Variants in ATP9B observed in about 807,000 individuals in gnomAD.
The protein encoded by ATP9B is probable phospholipid-transporting ATPase IIB.
A neutral mutation model predicts 146.1 loss-of-function variants in ATP9B; 110 were observed. The ratio of observed to expected loss-of-function variants is 0.75; its 90% confidence interval spans 0.65 to 0.88. The LOEUF is 0.88. Ranked by LOEUF, ATP9B falls within the 40% of genes least tolerant of loss-of-function variation. The pLI, the probability that ATP9B is intolerant of heterozygous loss-of-function variation, is 0.00. For missense variants in ATP9B, 1,499 were observed against 1,496.4 expected (o/e 1.00, Z -0.03); for synonymous variants, 604 against 569.7 (o/e 1.06, Z -0.86).
chr18:79,296,531 T>C (rs2096549184), intron 13 of ATP9B, among the ~76,000 whole-genome samples: 1 of 152,240 alleles, frequency 6.6e-6, no homozygotes, highest in Non-Finnish European at 1.5e-5. Flanking sequence ...TCAAGTATTT[T>C]TAAGGACAGG....
chr18:79,243,646 T>G (rs930319079), intron 11 of ATP9B, among the ~76,000 whole-genome samples: 2 of 152,214 alleles, frequency 1.3e-5, no homozygotes, highest in Admixed American at 1.3e-4. Context: ...ATCAAGGTGG[T>G]GGAAACATGC....
intron 17 of ATP9B, among the ~76,000 whole-genome samples, chr18:79,330,578 A>G (rs1357554077): frequency 6.6e-6 from 1 of 152,010 alleles, no homozygotes; most frequent in Non-Finnish European, 1.5e-5. Flanking sequence ...ATGCCTGACT[A>G]ATTTTTTTGT....
intron 23 of ATP9B, among the ~76,000 whole-genome samples, chr18:79,346,077 C>T (rs554906550): frequency 6.6e-6 from 1 of 151,508 alleles, no homozygotes; most frequent in East Asian, 2.0e-4. Flanking sequence ...TCAGCACATG[C>T]TCAGCGCACA....
rs1316766436 is a variant in ATP9B, at chr18:79,113,266, T to C, written c.470T>C (p.Phe157Ser). The C allele has an allele frequency of 6.3e-7, 1 of 1,594,154 alleles. No individual in the cohort carries two copies. The highest frequency in any genetic ancestry group is 2.2e-5 in the East Asian group (1 of 44,612). Residue 157 changes from phenylalanine (F) to serine (S), a missense_variant, in exon 4 of 30, where the codon TTC becomes TCC. Transcript: ENST00000426216. Reference sequence around the variant, plus strand: ...GTTTTGTATGAACAATTCAAGTTTTTCTTGAATCTCTATTTTCTAGTAATA... The same window carrying C: ...GTTTTGTATGAACAATTCAAGTTTTCCTTGAATCTCTATTTTCTAGTAATA... ...PGVLYEQFKF[F>S]LNLYFLVISC...
At chr18:79,305,927 G>A (rs1037536312) in intron 14 of ATP9B, among the ~76,000 whole-genome samples, 5 of 152,184 alleles carry the variant, frequency 3.3e-5, no homozygotes, top group Non-Finnish European at 5.9e-5. Context: ...GTGATAGAGG[G>A]CATAATCTTT....
At chr18:79,306,255 G>C (rs900604550) in intron 14 of ATP9B, among the ~76,000 whole-genome samples, 11 of 152,174 alleles carry the variant, frequency 7.2e-5, no homozygotes, top group Non-Finnish European at 1.2e-4. Context: ...GTTGGGGTTG[G>C]GGGGAGTGTC....
At position 79,298,792 on chromosome 18, in the gene ATP9B, TG is replaced by T. The variant is rs1445707618; in HGVS notation, c.1412-4811del. Among the ~76,000 whole-genome samples the T allele has an allele frequency of 3.4e-5, 5 of 146,280 alleles. 2 individuals are homozygous for T. The highest frequency in any genetic ancestry group is 7.6e-5 in the Non-Finnish European group (5 of 66,038). On this transcript the variant is annotated intron_variant, in intron 13 of 29. Coordinates refer to ENST00000426216, the MANE Select transcript of ATP9B (RefSeq NM_198531.5). ...AGGATATGGGAACAGAACATCAGTA[TG>T]AGGAAAGATGTTCCTCCTTCTCAGG...
chr18:79,133,033 C>G (rs762600822), intron 5 of ATP9B, among the ~76,000 whole-genome samples: 7 of 152,094 alleles, frequency 4.6e-5, no homozygotes, highest in Non-Finnish European at 1.0e-4. Context: ...TTACTTTCTT[C>G]TTGTTTATGA....
At chr18:79,228,254 A>G (rs961249531) in intron 11 of ATP9B, among the ~76,000 whole-genome samples, 2 of 152,246 alleles carry the variant, frequency 1.3e-5, no homozygotes, top group African/African-American at 4.8e-5. Context: ...CTGTTGTACC[A>G]GACTCCTCTG....
chr18:79,205,520 T>C (rs2095525949), intron 9 of ATP9B, among the ~76,000 whole-genome samples: 1 of 152,142 alleles, frequency 6.6e-6, no homozygotes, highest in Admixed American at 6.5e-5. Context: ...TAGCAAATTA[T>C]CATTTCATAA....
intron 11 of ATP9B, among the ~76,000 whole-genome samples, chr18:79,245,076 C>T (rs1397812374): frequency 1.3e-5 from 2 of 152,156 alleles, no homozygotes; most frequent in East Asian, 3.8e-4. Flanking sequence ...ACCTCCCACC[C>T]CCCACTGTCA....
intron 1 of ATP9B, among the ~76,000 whole-genome samples, chr18:79,070,932 T>A (rs756968676): frequency 1.3e-5 from 2 of 152,194 alleles, no homozygotes; most frequent in Admixed American, 6.5e-5. Context: ...GCCATTCTCT[T>A]TTGATTGGCA....
intron 17 of ATP9B, among the ~76,000 whole-genome samples, chr18:79,330,338 C>G (rs890504818): frequency 6.6e-6 from 1 of 151,948 alleles, no homozygotes; most frequent in Admixed American, 6.6e-5. Context: ...TCATTTTATA[C>G]TAAATTATTT....
chr18:79,132,612 C>T (rs770944388), intron 5 of ATP9B, among the ~76,000 whole-genome samples: 3 of 152,202 alleles, frequency 2.0e-5, no homozygotes, highest in Non-Finnish European at 4.4e-5. Context: ...AAAAATGCAT[C>T]AGTTTAGGCT....
chr18:79,367,560 C>T (rs1443837315), intron 26 of ATP9B, among the ~76,000 whole-genome samples: 2 of 151,428 alleles, frequency 1.3e-5, no homozygotes, highest in East Asian at 1.9e-4. Context: ...ACCATGTGTA[C>T]GCAGAGAAAG....
chr18:79,311,736 C>A (rs1002279199), intron 15 of ATP9B, among the ~76,000 whole-genome samples: 3 of 152,128 alleles, frequency 2.0e-5, no homozygotes, highest in Admixed American at 2.0e-4. Context: ...CACTCATCTC[C>A]CCTCAGACTC....
intron 5 of ATP9B, among the ~76,000 whole-genome samples, chr18:79,135,646 TGAA>T (rs1259827502): frequency 6.6e-6 from 1 of 152,228 alleles, no homozygotes; most frequent in Non-Finnish European, 1.5e-5. Context: ...ATCTTCTATT[TGAA>T]GAAGTCCAGT....
chr18:79,314,274 T>C lies in ATP9B; in HGVS notation c.1773+7040T>C, dbSNP rs1214559296. The stretch of plus-strand genomic sequence containing the variant: ...TGTGGCGCTGTGTCATCTCGGTCTT[T>C]AGGAAGGATGCAGTTTAGTAAGTAG... On this transcript the variant is annotated intron_variant, in intron 15 of 29. Coordinates refer to ENST00000426216, the MANE Select transcript of ATP9B (RefSeq NM_198531.5). Among the ~76,000 whole-genome samples, 4 of 152,328 alleles carry C rather than the reference T, an allele frequency of 2.6e-5. No individual in the cohort carries two copies. In the South Asian group the frequency reaches 6.2e-4, roughly 24 times the overall value.
intron 10 of ATP9B, 50 bp downstream of exon 10, chr18:79,207,062 C>A: frequency 6.4e-7 from 1 of 1,555,942 alleles, no homozygotes; most frequent in Non-Finnish European, 8.9e-7. Flanking sequence ...ATAGATGATG[C>A]TTTGTTTTGT....
Sources: gnomAD v4.1 joint callset for allele counts (sites outside exome capture counted in the v4.1 genomes callset) on GRCh38, gnomAD v4.1.1 for gene constraint, MANE v1.5 for transcripts, NCBI Gene and HGNC (gene_info 2026-07-23, HGNC 2026-07-21) for gene names.